The following SIPA1L1 variants were observed in gnomAD, a reference collection of about 807,000 sequenced individuals.
The protein encoded by SIPA1L1 is signal induced proliferation associated 1 like 1.
A neutral mutation model predicts 162.7 loss-of-function variants in SIPA1L1; 26 were observed. That is an observed-to-expected ratio of 0.16 (90% confidence interval 0.12 to 0.22). The LOEUF is 0.22. SIPA1L1 is among the 10% of genes least tolerant of loss of function. The pLI is 1.00. For missense variants in SIPA1L1, 1,874 were observed against 2,241.0 expected, an observed-to-expected ratio of 0.84 and a Z score of 3.31; for synonymous variants, 829 against 837.4, an observed-to-expected ratio of 0.99 and a Z score of 0.17.
At chr14:71,535,219 A>C (rs1171035762) in intron 4 of SIPA1L1, among the ~76,000 whole-genome samples, 2 of 152,220 alleles carry the variant, frequency 1.3e-5, no homozygotes, top group Non-Finnish European at 2.9e-5. Context: ...AAACTCTTAA[A>C]TACCTATGTA....
At chr14:71,708,015 G>GTTTTTTTTTTT (rs34838057) in intron 16 of SIPA1L1, among the ~76,000 whole-genome samples, 2 of 100,302 alleles carry the variant, frequency 2.0e-5, no homozygotes, top group Non-Finnish European at 3.9e-5. Flanking sequence ...GTTTTTTGGT[G>GTTTTTTTTTTT]TTTTTTTTTT....
chr14:71,598,375 T>G (rs529265714), intron 5 of SIPA1L1: 2 of 278,506 alleles, frequency 7.2e-6, no homozygotes, highest in South Asian at 2.7e-4. Flanking sequence ...GGAAAGATAG[T>G]AACTTTATGG....
intron 2 of SIPA1L1, among the ~76,000 whole-genome samples, chr14:71,412,132 G>A (rs1207728918): frequency 6.6e-6 from 1 of 152,178 alleles, no homozygotes; most frequent in African/African-American, 2.4e-5. Context: ...GCAAGCTGCA[G>A]GCCAGTTGTG....
chr14:71,663,959 G>T (rs2043769261), intron 10 of SIPA1L1, among the ~76,000 whole-genome samples: 2 of 152,146 alleles, frequency 1.3e-5, no homozygotes, highest in Non-Finnish European at 2.9e-5. Flanking sequence ...AGTGACCTAT[G>T]CCTATTGCAA....
At chr14:71,340,089 A>C (rs570441270) in intron 2 of SIPA1L1, among the ~76,000 whole-genome samples, 5 of 152,364 alleles carry the variant, frequency 3.3e-5, no homozygotes, top group Admixed American at 3.3e-4. Context: ...CCACCCTGTT[A>C]AACTTATAAT....
intron 9 of SIPA1L1, 34 bp from the exon 10 acceptor site, chr14:71,661,276 G>T: frequency 3.1e-6 from 5 of 1,605,532 alleles, no homozygotes; most frequent in Non-Finnish European, 4.3e-6. Flanking sequence ...GCAAATGATT[G>T]TTATTTATGT....
intron 4 of SIPA1L1, among the ~76,000 whole-genome samples, chr14:71,558,006 T>C (rs1403060168): frequency 6.6e-6 from 1 of 152,222 alleles, no homozygotes; most frequent in Non-Finnish European, 1.5e-5. Flanking sequence ...CACCAAAAAC[T>C]CACTTTTAGA....
At chr14:71,530,366 C>T (rs1358190813) in intron 4 of SIPA1L1, among the ~76,000 whole-genome samples, 6 of 150,042 alleles carry the variant, frequency 4.0e-5, no homozygotes, top group East Asian at 2.0e-4. Context: ...GAAGGTTTTG[C>T]GTCCTGATCG....
intron 13 of SIPA1L1, among the ~76,000 whole-genome samples, chr14:71,698,108 T>C (rs2081793138): frequency 6.6e-6 from 1 of 152,156 alleles, no homozygotes; most frequent in South Asian, 2.1e-4. Context: ...AGTAGTCGAG[T>C]GATTTGTGCC....
At chr14:71,506,202 G>A (rs868353499) in intron 2 of SIPA1L1, among the ~76,000 whole-genome samples, 69 of 152,202 alleles carry the variant, frequency 4.5e-4, no homozygotes, top group African/African-American at 1.6e-3. Flanking sequence ...TAATTGACTT[G>A]TTTCCAGATT....
chr14:71,497,919 A>T (rs2049915489), intron 2 of SIPA1L1: 1 of 152,228 alleles, frequency 6.6e-6, no homozygotes, highest in South Asian at 2.1e-4. Context: ...CTGCCAAACC[A>T]CTTTCACGAG....
intron 4 of SIPA1L1, among the ~76,000 whole-genome samples, chr14:71,547,841 G>T (rs1186393829): frequency 6.6e-6 from 1 of 152,000 alleles, no homozygotes; most frequent in Non-Finnish European, 1.5e-5. Context: ...AATGTCTGTT[G>T]CTCCATTTTT....
At chr14:71,357,684 G>C (rs1490477058) in intron 2 of SIPA1L1, among the ~76,000 whole-genome samples, 1 of 151,922 alleles carries the variant, frequency 6.6e-6, no homozygotes, top group Non-Finnish European at 1.5e-5. Context: ...GCCTCAGCCT[G>C]CCAAGTAGTT....
At position 71,576,129 on chromosome 14, in the gene SIPA1L1, A is replaced by G. The variant is rs182453875; in HGVS notation, c.-302-11442A>G. ...TAAGGATTGGACAGATCTTTTCCTC[A>G]AGAGCCTGAAAGTCTCACTGGGGAG... On this transcript the variant is annotated intron_variant, in intron 4 of 23. Coordinates refer to ENST00000381232, the MANE Select transcript of SIPA1L1 (RefSeq NM_001386936.1). 3.5e-4 allele frequency among the ~76,000 whole-genome samples: 54 copies of G among 152,350 alleles called. No individual in the cohort carries two copies. The East Asian group carries it at 8.7e-3, about 24-fold the overall frequency.
At chr14:71,656,953 G>A (rs1330145489) in intron 8 of SIPA1L1, among the ~76,000 whole-genome samples, 2 of 152,232 alleles carry the variant, frequency 1.3e-5, no homozygotes, top group African/African-American at 2.4e-5. Flanking sequence ...CTGATGCTGT[G>A]CATACTAAGT....
rs1317482348 is a variant in SIPA1L1 at position 71,709,274 on chromosome 14, C to T, written c.3818C>T (p.Ala1273Val). ...HSSSNTLSSN[A>V]SSAHSDEKWY... is the part of the protein sequence containing the mutation. ...AGTAGCAATACTCTCTCCAGCAATGCGTCAAGTGCCCATAGTGATGAGAAG... is the reference window on the plus strand; with the variant it reads ...AGTAGCAATACTCTCTCCAGCAATGTGTCAAGTGCCCATAGTGATGAGAAG... The change falls in exon 17 of 24, where the codon GCG becomes GTG. Residue 1273 changes from alanine (A) to valine (V), a missense_variant. Transcript: ENST00000381232. 5.6e-6 allele frequency: 9 copies of T among 1,614,054 alleles called. No homozygotes were observed. Among genetic ancestry groups the T allele is most frequent in the South Asian group, 1.1e-5 (1 of 91,092 alleles).
At chr14:71,600,339 A>G (rs1427262620) in intron 5 of SIPA1L1, among the ~76,000 whole-genome samples, 1 of 152,112 alleles carries the variant, frequency 6.6e-6, no homozygotes, top group Non-Finnish European at 1.5e-5. Flanking sequence ...CATTTATTGA[A>G]GAGGGGAAGA....
Position 71,699,126 on chromosome 14 carries a change from G to A in SIPA1L1, c.3520G>A (p.Gly1174Arg). Residue 1174 changes from glycine (G) to arginine (R), a missense_variant and splice_region_variant, in exon 14 of 24, where the codon GGG becomes AGG. Gly to Arg is a moderately radical substitution (Grantham distance 125). Coordinates refer to ENST00000381232, the MANE Select transcript of SIPA1L1 (RefSeq NM_001386936.1). ...GTYRQKSMPE[G>R]FGVSRRSPAS... ...TTACAGGCAGAAGTCCATGCCCGAA[G>A]GGTAGTTATGCGTTTGTCCCATTGT... 3.1e-6 allele frequency: 5 copies of A among 1,614,058 alleles called. No individual in the cohort carries two copies. Among genetic ancestry groups the A allele is most frequent in the Non-Finnish European group, 4.2e-6 (5 of 1,179,932 alleles).
At chr14:71,700,886 C>G (rs1489329682) in intron 14 of SIPA1L1, among the ~76,000 whole-genome samples, 1 of 151,224 alleles carries the variant, frequency 6.6e-6, no homozygotes, top group Non-Finnish European at 1.5e-5. Flanking sequence ...CCCAGCTACT[C>G]AGGAGTCTGA....
Sources: gnomAD v4.1 joint callset for allele counts (sites outside exome capture counted in the v4.1 genomes callset) on GRCh38, gnomAD v4.1.1 for gene constraint, MANE v1.5 for transcripts, NCBI Gene and HGNC (gene_info 2026-07-23, HGNC 2026-07-21) for gene names.